Variants in C8A observed in about 807,000 individuals in gnomAD.
C8A encodes the protein complement component C8 alpha chain.
In C8A, 67 loss-of-function variants were observed where a neutral mutation model predicts 65.3. The observed-to-expected ratio is 1.03, with a 90% CI of 0.84 to 1.26. The LOEUF (loss-of-function observed/expected upper bound fraction) is 1.26, where lower values mean the gene tolerates loss of function less well. C8A is among the 50% of genes most tolerant of loss of function. The pLI is 0.00. For synonymous variants in C8A, 290 were observed against 259.4 expected, an observed-to-expected ratio of 1.12 and a Z score of -1.13; for missense variants, 781 against 723.9, an observed-to-expected ratio of 1.08 and a Z score of -0.90.
chr1:56,880,505 G>T (rs926448409), intron 4 of C8A, among the ~76,000 whole-genome samples: 11 of 152,074 alleles, frequency 7.2e-5, no homozygotes, highest in African/African-American at 2.7e-4. Flanking sequence ...TGTGTTCAAA[G>T]TCATACAGCT....
intron 1 of C8A, among the ~76,000 whole-genome samples, chr1:56,861,190 T>C (rs2101187761): frequency 6.6e-6 from 1 of 152,306 alleles, no homozygotes. Flanking sequence ...CCTGGGGATA[T>C]AAATGAGAAA....
At chr1:56,908,437 C>T (rs1429888693) in intron 9 of C8A, among the ~76,000 whole-genome samples, 10 of 152,130 alleles carry the variant, frequency 6.6e-5, no homozygotes, top group Non-Finnish European at 1.2e-4. Flanking sequence ...ATCACATGGG[C>T]TAAATTAGGG....
intron 7 of C8A, among the ~76,000 whole-genome samples, chr1:56,895,562 A>C (rs978972926): frequency 6.6e-6 from 1 of 152,186 alleles, no homozygotes; most frequent in African/African-American, 2.4e-5. Flanking sequence ...AAAGAAATTC[A>C]GTGGGTCATG....
At chr1:56,898,927 G>T (rs1044943721) in intron 7 of C8A, among the ~76,000 whole-genome samples, 60 of 152,116 alleles carry the variant, frequency 3.9e-4, no homozygotes, top group African/African-American at 1.4e-3. Flanking sequence ...TATTGTAAAA[G>T]GTCCTATGTT....
chr1:56,898,942 G>A (rs17114539), intron 7 of C8A, among the ~76,000 whole-genome samples: 5,401 of 152,196 alleles, frequency 0.035, 256 homozygotes, highest in African/African-American at 0.11. Context: ...TATGTTCATG[G>A]CTAAAGGCTC....
chr1:56,874,721 CT>C (rs908233828), intron 2 of C8A, among the ~76,000 whole-genome samples: 2 of 152,184 alleles, frequency 1.3e-5, no homozygotes, highest in Non-Finnish European at 2.9e-5. Flanking sequence ...TTGTCCAGGC[CT>C]TTCATTTGAT....
At chr1:56,909,095 C>A (rs1644488261) in intron 9 of C8A, among the ~76,000 whole-genome samples, 1 of 152,178 alleles carries the variant, frequency 6.6e-6, no homozygotes, top group South Asian at 2.1e-4. Flanking sequence ...AATTGAGAAA[C>A]CCTGCCTTAA....
chr1:56,869,493 C>T (rs1005271489), intron 2 of C8A, among the ~76,000 whole-genome samples: 3 of 152,138 alleles, frequency 2.0e-5, no homozygotes, highest in Non-Finnish European at 4.4e-5. Context: ...ATTACAGTCT[C>T]TTTTGTATAT....
chr1:56,897,070 A>G (rs1165360101), intron 7 of C8A, among the ~76,000 whole-genome samples: 3 of 152,222 alleles, frequency 2.0e-5, no homozygotes, highest in African/African-American at 7.2e-5. Context: ...TGTTTCTTGC[A>G]GTAAACCTAG....
At chr1:56,917,112 G>A (rs1050742162) in intron 10 of C8A, among the ~76,000 whole-genome samples, 1 of 152,208 alleles carries the variant, frequency 6.6e-6, no homozygotes, top group Non-Finnish European at 1.5e-5. Flanking sequence ...TGGAACTGCG[G>A]ATTCCAATTT....
At chr1:56,916,446 T>G (rs1330192365) in intron 10 of C8A, among the ~76,000 whole-genome samples, 1 of 152,120 alleles carries the variant, frequency 6.6e-6, no homozygotes, top group Non-Finnish European at 1.5e-5. Flanking sequence ...AACCTTTGCC[T>G]ATGGAGACTG....
At chr1:56,873,938 A>G (rs1258918544) in intron 2 of C8A, among the ~76,000 whole-genome samples, 2 of 152,170 alleles carry the variant, frequency 1.3e-5, no homozygotes, top group African/African-American at 2.4e-5. Flanking sequence ...TGTACACTAT[A>G]TAGAAAGCAT....
chr1:56,899,920 A>C (rs748554382), intron 7 of C8A, among the ~76,000 whole-genome samples: 1 of 152,244 alleles, frequency 6.6e-6, no homozygotes, highest in Non-Finnish European at 1.5e-5. Flanking sequence ...CAATTTGCCC[A>C]CATAGTCATT....
intron 9 of C8A, 116 bp from the exon 10 acceptor site, chr1:56,912,287 T>A: frequency 1.2e-6 from 1 of 858,076 alleles, no homozygotes; most frequent in Non-Finnish European, 1.9e-6. Context: ...AAATTGGGTG[T>A]CTGTGTCTGT....
chr1:56,885,355 TATGTAAATATATATTTATATTTATTTAA>T, intron 6 of C8A, among the ~76,000 whole-genome samples: 1 of 90,960 alleles, frequency 1.1e-5, no homozygotes, highest in Admixed American at 1.4e-4. Flanking sequence ...AATATATATT[TATGTAAATATATATTTATATTTATTTAA>T]ATATATATTT....
chr1:56,883,635 C>G lies in C8A; in HGVS notation c.809C>G (p.Ser270Ter), dbSNP rs1235076031. Residue 270 changes from serine (S) to a stop codon, truncating the protein, a stop_gained, in exon 6 of 11, where the codon TCA (serine) becomes TGA (stop). Transcript: ENST00000361249. LOFTEE classifies it high-confidence loss of function. ...PLLVGVGVSH[S>*]QDTSFLNELN... is the part of the protein sequence containing the mutation. ...TTGGTGGGTGTAGGTGTATCCCACT[C>G]ACAAGACACTTCATTCTTGAACGAA... 6.2e-7 allele frequency: 1 copy of G among 1,613,722 alleles called. No homozygotes were observed. The highest frequency in any genetic ancestry group is 8.5e-7 in the Non-Finnish European group (1 of 1,179,908).
intron 1 of C8A, 102 bp from the exon 2 acceptor site, chr1:56,867,507 T>A (rs778909198): frequency 2.5e-6 from 2 of 808,296 alleles, no homozygotes; most frequent in Non-Finnish European, 4.3e-6. Flanking sequence ...CATTCCTCAT[T>A]TCTTCCAAAC....
chr1:56,880,863 C>A (rs900682850), intron 4 of C8A, among the ~76,000 whole-genome samples: 1 of 152,116 alleles, frequency 6.6e-6, no homozygotes, highest in African/African-American at 2.4e-5. Flanking sequence ...TAAACCGAGG[C>A]ACAGAGAGGT....
At chr1:56,914,748 T>G (rs1401576809) in intron 10 of C8A, among the ~76,000 whole-genome samples, 2 of 152,070 alleles carry the variant, frequency 1.3e-5, no homozygotes, top group African/African-American at 4.8e-5. Context: ...CATTGCAACC[T>G]CCTCCTCCCG....
Sources: gnomAD v4.1 joint callset for allele counts (sites outside exome capture counted in the v4.1 genomes callset) on GRCh38, gnomAD v4.1.1 for gene constraint, MANE v1.5 for transcripts, NCBI Gene and HGNC (gene_info 2026-07-23, HGNC 2026-07-21) for gene names.